The following ADGRV1 variants were observed in gnomAD, a reference collection of about 807,000 sequenced individuals.
ADGRV1 encodes G-protein coupled receptor 98.
In ADGRV1, 359 loss-of-function variants were observed where a neutral mutation model predicts 596.2. That is an observed-to-expected ratio of 0.60 (90% CI 0.55 to 0.66). ADGRV1 has a LOEUF of 0.66. Among genes scored for constraint, ADGRV1 ranks in the 30% least tolerant of loss-of-function variants. ADGRV1 has a pLI of 0.00. For synonymous variants in ADGRV1, 2,681 were observed against 2,679.2 expected (o/e 1.00, Z -0.02); for missense variants, 7,274 against 7,575.6 (o/e 0.96, Z 1.48).
intron 83 of ADGRV1, among the ~76,000 whole-genome samples, chr5:90,869,404 T>A (rs1310488534): frequency 6.6e-6 from 1 of 151,890 alleles, no homozygotes; most frequent in Admixed American, 6.6e-5. Context: ...AGTTACAGAG[T>A]CACCAATGGA....
chr5:90,787,948 A>C lies in ADGRV1; in HGVS notation c.13654-123A>C, dbSNP rs138039910. 1.1e-3 allele frequency: 645 copies of C among 609,694 alleles called. 8 individuals are homozygous for C. The East Asian group carries it at 0.019, about 18-fold the overall frequency. 37.8% of individuals were successfully genotyped at this position (609,694 alleles called of 1,614,324 possible). ...AGTTTATGAAACAGGAATTTGATGG[A>C]ATTATCCTAGAATAATTTTCCTATA... On this transcript the variant is annotated intron_variant, in intron 67 of 89. Coordinates refer to ENST00000405460, the MANE Select transcript of ADGRV1 (RefSeq NM_032119.4).
chr5:90,657,070 A>C (rs1038846453), intron 20 of ADGRV1, among the ~76,000 whole-genome samples: 10 of 152,016 alleles, frequency 6.6e-5, no homozygotes, highest in African/African-American at 2.2e-4. Flanking sequence ...AGTGTCTAAC[A>C]TATCAAGCCT....
chr5:90,725,639 G>A lies in ADGRV1; in HGVS notation c.10144G>A (p.Asp3382Asn). Residue 3382 changes from aspartate (D) to asparagine (N), a missense_variant, in exon 48 of 90, where the codon GAT (aspartate) becomes AAT (asparagine). By Grantham distance (23) the Asp-to-Asn change is conservative. Coordinates refer to ENST00000405460, the MANE Select transcript of ADGRV1 (RefSeq NM_032119.4). ...DYLIIASQRD[D>N]SELTQVFRWN... ...TTTAATCATTGCAAGTCAAAGAGAT[G>A]ATTCCGAATTAACTCAGGTTTGATT... The A allele has an allele frequency of 6.5e-7, 1 of 1,543,332 alleles. No individual in the cohort carries two copies. The highest frequency in any genetic ancestry group is 8.9e-7 in the Non-Finnish European group (1 of 1,121,108).
intron 85 of ADGRV1, among the ~76,000 whole-genome samples, chr5:91,048,171 T>G (rs567471347): frequency 1.6e-4 from 24 of 152,336 alleles, no homozygotes; most frequent in African/African-American, 5.3e-4. Flanking sequence ...GGCACATTTA[T>G]TTGATTGGTA....
chr5:90,800,996 C>T (rs1282982817), intron 70 of ADGRV1, among the ~76,000 whole-genome samples: 1 of 152,016 alleles, frequency 6.6e-6, no homozygotes, highest in Non-Finnish European at 1.5e-5. Context: ...GTGCAGCAAA[C>T]CACCATGGCA....
At chr5:90,675,656 G>T (rs1230540570) in intron 24 of ADGRV1, among the ~76,000 whole-genome samples, 4 of 152,016 alleles carry the variant, frequency 2.6e-5, no homozygotes, top group Admixed American at 2.6e-4. Flanking sequence ...AAACAGATTA[G>T]CTGGGTGTGG....
chr5:90,847,156 C>G (rs187206935), intron 78 of ADGRV1, among the ~76,000 whole-genome samples: 16 of 152,266 alleles, frequency 1.1e-4, no homozygotes, highest in Admixed American at 9.8e-4. Context: ...ATTCACAAAC[C>G]CTGAGCTAGA....
intron 85 of ADGRV1, among the ~76,000 whole-genome samples, chr5:90,992,584 T>C (rs914114171): frequency 6.6e-6 from 1 of 152,224 alleles, no homozygotes; most frequent in African/African-American, 2.4e-5. Context: ...TCTTTCACTT[T>C]ATGTTTGAAC....
At chr5:90,744,446 A>C (rs1041426242) in intron 50 of ADGRV1, among the ~76,000 whole-genome samples, 1 of 152,214 alleles carries the variant, frequency 6.6e-6, no homozygotes, top group Non-Finnish European at 1.5e-5. Context: ...TCTCTACTTA[A>C]TATTTAATAA....
intron 86 of ADGRV1, among the ~76,000 whole-genome samples, chr5:91,095,115 A>G (rs1790739330): frequency 6.6e-6 from 1 of 152,178 alleles, no homozygotes; most frequent in Non-Finnish European, 1.5e-5. Context: ...CTAAAATTAG[A>G]TCTGAGTATA....
At chr5:91,005,619 AG>A (rs1782205794) in intron 85 of ADGRV1, among the ~76,000 whole-genome samples, 1 of 152,126 alleles carries the variant, frequency 6.6e-6, no homozygotes, top group African/African-American at 2.4e-5. Context: ...TATTATCCAC[AG>A]TCTTGTTCCT....
intron 83 of ADGRV1, among the ~76,000 whole-genome samples, chr5:90,954,341 G>T (rs1777295819): frequency 1.3e-5 from 2 of 152,084 alleles, no homozygotes; most frequent in Admixed American, 6.5e-5. Flanking sequence ...TTATACGTTA[G>T]AAAATACTAA....
intron 84 of ADGRV1, among the ~76,000 whole-genome samples, chr5:90,979,501 TA>T (rs911791525): frequency 1.3e-5 from 2 of 152,104 alleles, no homozygotes; most frequent in African/African-American, 4.8e-5. Flanking sequence ...AAATAAATCT[TA>T]AATATAATCA....
intron 83 of ADGRV1, among the ~76,000 whole-genome samples, chr5:90,911,592 A>G (rs6889598): frequency 0.15 from 22,880 of 152,182 alleles, 2,408 homozygotes; most frequent in East Asian, 0.48. Context: ...GATATAAAAC[A>G]TATAAAGTGA....
chr5:90,700,673 A>G (rs1878880), intron 34 of ADGRV1, among the ~76,000 whole-genome samples: 1,943 of 152,244 alleles, frequency 0.013, 36 homozygotes, highest in African/African-American at 0.045. Flanking sequence ...TCTTTTTTAC[A>G]CAAAGATTTG....
intron 77 of ADGRV1, among the ~76,000 whole-genome samples, chr5:90,837,913 A>G (rs1765107619): frequency 6.6e-6 from 1 of 152,062 alleles, no homozygotes; most frequent in African/African-American, 2.4e-5. Context: ...CTTGCAGATA[A>G]TTTATATCTT....
intron 83 of ADGRV1, among the ~76,000 whole-genome samples, chr5:90,864,315 A>G (rs953863874): frequency 2.6e-5 from 4 of 152,192 alleles, no homozygotes; most frequent in African/African-American, 2.4e-5. Context: ...TCAGTTTTCT[A>G]TGGTAGAAGA....
At chr5:90,617,721 C>T in intron 2 of ADGRV1, 83 bp from the exon 3 acceptor site, 6 of 1,135,010 alleles carry the variant, frequency 5.3e-6, no homozygotes, top group East Asian at 2.7e-5. Flanking sequence ...TATGCTTTTT[C>T]TCTTGATTGC....
chr5:90,616,222 C>T (rs1225453789), intron 2 of ADGRV1, among the ~76,000 whole-genome samples: 1 of 151,964 alleles, frequency 6.6e-6, no homozygotes, highest in East Asian at 1.9e-4. Context: ...TTTATTGGTA[C>T]TAAATCAAAT....
Sources: allele counts gnomAD v4.1 joint callset (sites outside exome capture counted in the v4.1 genomes callset), GRCh38; gene constraint gnomAD v4.1.1; transcripts MANE v1.5; gene names NCBI Gene and HGNC (gene_info 2026-07-23, HGNC 2026-07-21).